The following FHIT variants were observed in gnomAD, a reference collection of about 807,000 sequenced individuals.
FHIT encodes fragile histidine triad diadenosine triphosphatase.
FHIT carries 19 observed loss-of-function variants against 17.9 expected under a neutral mutation model. The observed-to-expected ratio is 1.06, with a 90% confidence interval of 0.74 to 1.56. The LOEUF (loss-of-function observed/expected upper bound fraction) is 1.56, where lower values mean the gene tolerates loss of function less well. FHIT is among the 40% of genes most tolerant of loss of function. FHIT has a pLI of 0.00. For missense variants in FHIT, 248 were observed against 189.2 expected (o/e 1.31, Z -1.82); for synonymous variants, 81 against 69.7 (o/e 1.16, Z -0.81).
intron 4 of FHIT, among the ~76,000 whole-genome samples, chr3:60,744,504 G>A (rs1183811130): frequency 6.6e-6 from 1 of 152,230 alleles, no homozygotes; most frequent in Non-Finnish European, 1.5e-5. Flanking sequence ...CAAAAACAGA[G>A]AAACAGGAGA....
At chr3:61,196,226 G>A (rs1193834394) in intron 2 of FHIT, among the ~76,000 whole-genome samples, 1 of 152,162 alleles carries the variant, frequency 6.6e-6, no homozygotes, top group Non-Finnish European at 1.5e-5. Context: ...AATCCAGAGA[G>A]AGGTAGAAAG....
intron 3 of FHIT, among the ~76,000 whole-genome samples, chr3:60,828,036 C>G (rs1233528658): frequency 6.6e-6 from 1 of 152,132 alleles, no homozygotes; most frequent in Non-Finnish European, 1.5e-5. Flanking sequence ...ATCCTGGGCT[C>G]TACCAACCAA....
chr3:59,838,683 C>A (rs1307785251), intron 8 of FHIT, among the ~76,000 whole-genome samples: 3 of 152,176 alleles, frequency 2.0e-5, no homozygotes, highest in Non-Finnish European at 4.4e-5. Context: ...AGTTGTGTAA[C>A]CCCTCTGTGT....
At chr3:60,085,260 GAGA>G (rs1703447497) in intron 5 of FHIT, among the ~76,000 whole-genome samples, 1 of 152,140 alleles carries the variant, frequency 6.6e-6, no homozygotes, top group South Asian at 2.1e-4. Context: ...GACAAGCAGA[GAGA>G]AGATTACCAA....
At chr3:60,901,503 A>G (rs1306309528) in intron 3 of FHIT, among the ~76,000 whole-genome samples, 1 of 152,244 alleles carries the variant, frequency 6.6e-6, no homozygotes, top group Non-Finnish European at 1.5e-5. Context: ...AAAACATTTT[A>G]AAGAATAACT....
intron 7 of FHIT, among the ~76,000 whole-genome samples, chr3:59,973,039 G>T (rs1418799920): frequency 6.6e-6 from 1 of 151,916 alleles, no homozygotes; most frequent in Non-Finnish European, 1.5e-5. Context: ...AGCTAGACAG[G>T]GTGTGTCTCC....
At chr3:60,548,620 C>A (rs1342766594) in intron 4 of FHIT, among the ~76,000 whole-genome samples, 1 of 152,134 alleles carries the variant, frequency 6.6e-6, no homozygotes, top group Non-Finnish European at 1.5e-5. Context: ...TGCCTGGCTA[C>A]TCAAAATGTG....
intron 7 of FHIT, among the ~76,000 whole-genome samples, chr3:59,954,652 A>C (rs1707304031): frequency 6.6e-6 from 1 of 152,214 alleles, no homozygotes; most frequent in Admixed American, 6.5e-5. Flanking sequence ...CTTGCAATCA[A>C]AGCTTTGCTA....
chr3:60,837,453 G>A (rs1702577015), intron 3 of FHIT, among the ~76,000 whole-genome samples: 1 of 152,078 alleles, frequency 6.6e-6, no homozygotes, highest in Admixed American at 6.5e-5. Context: ...AAGTTTGCAT[G>A]ATACATCTTT....
rs200786959 is a variant in FHIT, at chr3:60,661,317, C to T, written c.-17-124338G>A. ...AACATAGAATATTTGCTTTTCCATT[C>T]CTGAGTTACTCTACTTAGAATAATG... is the stretch of plus-strand genomic sequence containing the variant. On this transcript the variant is annotated intron_variant, in intron 4 of 9. Coordinates refer to ENST00000492590, the MANE Select transcript of FHIT (RefSeq NM_002012.4). Among the ~76,000 whole-genome samples, 62 of 152,258 alleles carry T rather than the reference C, an allele frequency of 4.1e-4. No individual in the cohort carries two copies. In the East Asian group the frequency reaches 7.3e-3, roughly 18 times the overall value.
intron 4 of FHIT, chr3:60,537,621 C>G: frequency 5.5e-6 from 1 of 182,338 alleles, no homozygotes; most frequent in Non-Finnish European, 1.0e-5. Flanking sequence ...AGCAAGGTAC[C>G]TGAAATGTTC....
chr3:60,684,501 C>T (rs1369683724), intron 4 of FHIT, among the ~76,000 whole-genome samples: 3 of 152,058 alleles, frequency 2.0e-5, no homozygotes, highest in Non-Finnish European at 2.9e-5. Flanking sequence ...ACTCCATGTG[C>T]GGTTTTCCAT....
chr3:59,771,347 T>C (rs1347858150), intron 8 of FHIT, among the ~76,000 whole-genome samples: 2 of 152,096 alleles, frequency 1.3e-5, no homozygotes, highest in Admixed American at 1.3e-4. Context: ...ACAACCTTTA[T>C]CCAGGAGGAA....
chr3:61,142,132 T>TTA (rs1560015824), intron 2 of FHIT, among the ~76,000 whole-genome samples: 6 of 151,372 alleles, frequency 4.0e-5, no homozygotes, highest in East Asian at 1.9e-4. Flanking sequence ...ATTTTTTTTT[T>TTA]ATCTGAGAAT....
rs74949122 is a variant in FHIT at position 60,572,619 on chromosome 3, A to T, written c.-17-35640T>A. On this transcript the variant is annotated intron_variant, in intron 4 of 9. Transcript: ENST00000492590. ...AATTCCATCAGTATTCTCAGTGCAA[A>T]CCACACCCTGTGGTTTCTTTTCCTA... Among the ~76,000 whole-genome samples the T allele has an allele frequency of 7.9e-3, 1,195 of 152,160 alleles. 11 individuals are homozygous for T. The highest frequency in any genetic ancestry group is 0.028 in the African/African-American group (1,149 of 41,498).
At chr3:60,800,796 G>C (rs927149206) in intron 4 of FHIT, among the ~76,000 whole-genome samples, 2 of 152,138 alleles carry the variant, frequency 1.3e-5, no homozygotes, top group Admixed American at 6.5e-5. Context: ...CAGCACCACA[G>C]AGTTATTCCC....
chr3:59,821,949 C>T (rs1259967499), intron 8 of FHIT, among the ~76,000 whole-genome samples: 1 of 152,102 alleles, frequency 6.6e-6, no homozygotes, highest in Non-Finnish European at 1.5e-5. Flanking sequence ...TCCCTCACCC[C>T]CACCAATGCT....
At chr3:61,021,327 C>T (rs112594074) in intron 3 of FHIT, among the ~76,000 whole-genome samples, 7,410 of 152,042 alleles carry the variant, frequency 0.049, 241 homozygotes, top group African/African-American at 0.086. Context: ...AGGCCGGGCG[C>T]GGTGGCTCAC....
At chr3:60,346,226 T>C (rs946966507) in intron 5 of FHIT, among the ~76,000 whole-genome samples, 2 of 152,186 alleles carry the variant, frequency 1.3e-5, no homozygotes, top group Non-Finnish European at 2.9e-5. Context: ...CTTTACAGCA[T>C]TGGAAACCTA....
Sources: gnomAD v4.1 joint callset for allele counts (sites outside exome capture counted in the v4.1 genomes callset) on GRCh38, gnomAD v4.1.1 for gene constraint, MANE v1.5 for transcripts, NCBI Gene and HGNC (gene_info 2026-07-23, HGNC 2026-07-21) for gene names.